The following CENPP variants were observed in gnomAD, a reference collection of about 807,000 sequenced individuals.
The protein encoded by CENPP is centromere protein P.
A neutral mutation model predicts 35.6 loss-of-function variants in CENPP; 24 were observed. The observed-to-expected ratio is 0.67, with a 90% CI of 0.49 to 0.95. The LOEUF (loss-of-function observed/expected upper bound fraction) is 0.95. CENPP is among the 40% of genes least tolerant of loss of function. The probability of loss-of-function intolerance (pLI) is 0.00; values close to 1 mark genes in which losing one functional copy is unlikely to be tolerated. For missense variants in CENPP, 332 were observed against 345.3 expected (o/e 0.96, Z 0.31); for synonymous variants, 120 against 125.5 (o/e 0.96, Z 0.29).
At chr9:92,357,612 G>A (rs552849499) in intron 4 of CENPP, among the ~76,000 whole-genome samples, 1 of 151,336 alleles carries the variant, frequency 6.6e-6, no homozygotes, top group Non-Finnish European at 1.5e-5. Context: ...CTCCTGCCAC[G>A]GCCTCCCAAG....
intron 5 of CENPP, among the ~76,000 whole-genome samples, chr9:92,533,307 A>AC (rs1848929550): frequency 4.2e-5 from 2 of 47,736 alleles, no homozygotes; most frequent in African/African-American, 1.0e-4. Context: ...CTCAAACAAA[A>AC]AAAAAAAAAA....
rs976442099 is a variant in CENPP at position 92,459,181 on chromosome 9, TA to T, written c.564+79331del. 4.6e-5 allele frequency among the ~76,000 whole-genome samples: 7 copies of T among 151,796 alleles called. No individual in the cohort carries two copies. The South Asian group carries it at 6.2e-4, about 14-fold the overall frequency. ...TATACTGTATTCTGGTTGGAATGTT[TA>T]AAAAAAAATATACATGTCTATCCTA... On this transcript the variant is annotated intron_variant, in intron 5 of 7. Coordinates refer to ENST00000375587, the MANE Select transcript of CENPP (RefSeq NM_001012267.3).
chr9:92,616,037 A>T lies in CENPP; in HGVS notation c.*2888A>T. 1 of 1,614,010 alleles carries T rather than the reference A, an allele frequency of 6.2e-7. No homozygotes were observed. Among genetic ancestry groups the T allele is most frequent in the Non-Finnish European group, 8.5e-7 (1 of 1,179,912 alleles). ...GGCAAACCTGGACCTCGATGAAGGG[A>T]CGACAGGCCTTTGATCAGAGCTGCA... On this transcript the variant is annotated 3_prime_UTR_variant, in exon 8 of 8. Transcript: ENST00000375587.
At chr9:92,396,315 T>G (rs1564297546) in intron 5 of CENPP, among the ~76,000 whole-genome samples, 1 of 152,096 alleles carries the variant, frequency 6.6e-6, no homozygotes, top group East Asian at 1.9e-4. Flanking sequence ...TTCTTCAATG[T>G]TGTTAGACTA....
intron 5 of CENPP, among the ~76,000 whole-genome samples, chr9:92,511,531 T>C (rs896649527): frequency 1.3e-5 from 2 of 151,968 alleles, no homozygotes; most frequent in Non-Finnish European, 2.9e-5. Flanking sequence ...CCCCAAGCTA[T>C]CCCTAATTTT....
chr9:92,599,837 A>G (rs938352044), intron 5 of CENPP, among the ~76,000 whole-genome samples: 1 of 152,218 alleles, frequency 6.6e-6, no homozygotes, highest in Non-Finnish European at 1.5e-5. Flanking sequence ...AGACATGGTC[A>G]GATTACTTTC....
At position 92,330,065 on chromosome 9, in the gene CENPP, G is replaced by A. The variant is rs377053110; in HGVS notation, c.108-2105G>A. Among the ~76,000 whole-genome samples, 132 of 152,264 alleles carry A rather than the reference G, an allele frequency of 8.7e-4. 1 individual carries two copies. The highest frequency in any genetic ancestry group is 6.8e-3 in the Middle Eastern group (2 of 294). On this transcript the variant is annotated intron_variant, in intron 1 of 7. Transcript: ENST00000375587. Reference sequence around the variant, plus strand: ...AGTTAGATTATTCTGTGTAGAGATGGTATAAGGTCATAAGAGCATTGGTTA... The same window carrying A: ...AGTTAGATTATTCTGTGTAGAGATGATATAAGGTCATAAGAGCATTGGTTA...
intron 5 of CENPP, chr9:92,457,532 T>C (rs547488832): frequency 7.3e-7 from 1 of 1,368,310 alleles, no homozygotes; most frequent in African/African-American, 1.4e-5. Flanking sequence ...CCAGTAAATG[T>C]AAACGGAAGA....
chr9:92,367,640 G>A (rs1215302690), intron 4 of CENPP, among the ~76,000 whole-genome samples: 1 of 151,942 alleles, frequency 6.6e-6, no homozygotes, highest in Non-Finnish European at 1.5e-5. Context: ...TTTTTGAGAT[G>A]GAGTTTCACT....
chr9:92,534,724 A>G (rs1172443578), intron 5 of CENPP, among the ~76,000 whole-genome samples: 1 of 152,238 alleles, frequency 6.6e-6, no homozygotes, highest in South Asian at 2.1e-4. Flanking sequence ...AGCAGGGGAA[A>G]GCAATATGAA....
chr9:92,343,405 A>G (rs953548668), intron 3 of CENPP, among the ~76,000 whole-genome samples: 4 of 152,248 alleles, frequency 2.6e-5, no homozygotes, highest in Non-Finnish European at 4.4e-5. Context: ...TCAGCCTTCC[A>G]TAATCCAAGC....
chr9:92,417,119 T>G (rs1026342210), intron 5 of CENPP: 1 of 1,613,722 alleles, frequency 6.2e-7, no homozygotes. Context: ...ATGCTCTAGA[T>G]GAAGTTGTAG....
chr9:92,478,331 T>C (rs1298340173), intron 5 of CENPP, among the ~76,000 whole-genome samples: 1 of 152,204 alleles, frequency 6.6e-6, no homozygotes, highest in Non-Finnish European at 1.5e-5. Flanking sequence ...GGAAATTGTT[T>C]TGGGGTTCAC....
chr9:92,333,690 CTTGT>C (rs1840830129), intron 2 of CENPP, among the ~76,000 whole-genome samples: 1 of 152,000 alleles, frequency 6.6e-6, no homozygotes, highest in African/African-American at 2.4e-5. Flanking sequence ...AGAGAAATAT[CTTGT>C]TTTTTATTTT....
rs61233585 is a variant in CENPP, at chr9:92,352,467, CTGTGTGTGTGTGTG to C, written c.467+6706_467+6719del. ...TTCTCTCAAGCCTGTTGCTTAAAGC[CTGTGTGTGTGTGTG>C]TGTGTGTGTGTGTGTGTGTGTGTGT... On this transcript the variant is annotated intron_variant, in intron 4 of 7. Coordinates refer to ENST00000375587, the MANE Select transcript of CENPP (RefSeq NM_001012267.3). Among the ~76,000 whole-genome samples the C allele has an allele frequency of 7.6e-4, 54 of 71,338 alleles. 2 individuals are homozygous for C. The South Asian group carries it at 0.02, about 27-fold the overall frequency. 46.8% of individuals were successfully genotyped at this position (71,338 alleles called of 152,430 possible).
chr9:92,582,651 CCCATT>C (rs1301531273), intron 5 of CENPP, among the ~76,000 whole-genome samples: 1 of 151,584 alleles, frequency 6.6e-6, no homozygotes, highest in African/African-American at 2.4e-5. Context: ...GACACCCAAC[CCCATT>C]CCATATTCCT....
intron 5 of CENPP, chr9:92,539,212 G>A (rs928104313): frequency 6.6e-6 from 1 of 152,190 alleles, no homozygotes; most frequent in Non-Finnish European, 1.5e-5. Flanking sequence ...AAATGGCTGA[G>A]TAAAGCATTA....
intron 4 of CENPP, among the ~76,000 whole-genome samples, chr9:92,349,414 T>A (rs560163771): frequency 9.3e-5 from 14 of 151,128 alleles, no homozygotes; most frequent in Non-Finnish European, 1.2e-4. Context: ...TTTTTATTTT[T>A]TTTTTTTTGA....
intron 5 of CENPP, among the ~76,000 whole-genome samples, chr9:92,592,978 G>A (rs748413306): frequency 2.0e-5 from 3 of 152,342 alleles, no homozygotes; most frequent in Non-Finnish European, 4.4e-5. Context: ...TGGCTTAAAC[G>A]AAAAGGAACA....
Sources: gnomAD v4.1 joint callset for allele counts (sites outside exome capture counted in the v4.1 genomes callset) on GRCh38, gnomAD v4.1.1 for gene constraint, MANE v1.5 for transcripts, NCBI Gene and HGNC (gene_info 2026-07-23, HGNC 2026-07-21) for gene names.